Variants in RCC1 observed in about 807,000 individuals in gnomAD.
RCC1 encodes regulator of chromosome condensation 1, also known as regulator of chromosome condensation.
A neutral mutation model predicts 44.4 loss-of-function variants in RCC1; 11 were observed. The ratio of observed to expected loss-of-function variants is 0.25; its 90% confidence interval spans 0.16 to 0.41. RCC1 has a LOEUF of 0.41. RCC1 is among the 10% of genes least tolerant of loss of function. The pLI is 1.00. For synonymous variants in RCC1, 213 were observed against 216.5 expected (o/e 0.98, Z 0.14); for missense variants, 386 against 547.1 (o/e 0.71, Z 2.94).
intron 5 of RCC1, 113 bp downstream of exon 5, chr1:28,530,052 A>G: frequency 1.3e-6 from 1 of 749,252 alleles, no homozygotes; most frequent in Non-Finnish European, 2.2e-6. Context: ...GGATGTGCAG[A>G]GACCCCACCC....
At chr1:28,526,680 G>C in intron 4 of RCC1, 1 of 487,770 alleles carries the variant, frequency 2.1e-6, no homozygotes, top group South Asian at 2.6e-5. Context: ...TGGATCACCT[G>C]AGTTCAGGAG....
chr1:28,507,000 TTC>T lies in RCC1; in HGVS notation c.-262+919_-262+920del, dbSNP rs200908201. 1,125 of 163,752 alleles carry T rather than the reference TTC, an allele frequency of 6.9e-3. 12 individuals are homozygous for T. The highest frequency in any genetic ancestry group is 0.026 in the African/African-American group (1,074 of 41,656). The allele number at this position is 163,752 out of a possible 1,614,324, so 10.1% of individuals were successfully genotyped here. A position where few individuals can be genotyped will look rare whatever the true frequency, so the allele number is the denominator to read the frequency against. On this transcript the variant is annotated intron_variant, in intron 1 of 12. Coordinates refer to ENST00000683442, the MANE Select transcript of RCC1 (RefSeq NM_001381865.2). Reference sequence around the variant, plus strand: ...AAGCATTGCGTTTCGTAATTATGCTTTCTCGTATTTTTGTGATTTGGGTCATT... The same window carrying T: ...AAGCATTGCGTTTCGTAATTATGCTTTCGTATTTTTGTGATTTGGGTCATT...
At chr1:28,533,832 TTTC>T (rs1664349022) in intron 7 of RCC1, among the ~76,000 whole-genome samples, 1 of 125,160 alleles carries the variant, frequency 8.0e-6, no homozygotes, top group Non-Finnish European at 1.6e-5. Context: ...ATTTTTTTCT[TTTC>T]TTTTCTTTTC....
At chr1:28,525,588 G>C (rs574531862) in intron 4 of RCC1, among the ~76,000 whole-genome samples, 1 of 152,266 alleles carries the variant, frequency 6.6e-6, no homozygotes, top group Admixed American at 6.5e-5. Context: ...GGGACAAGGG[G>C]TCTCAAAAGA....
chr1:28,508,597 C>T, intron 2 of RCC1: 1 of 518,800 alleles, frequency 1.9e-6, no homozygotes, highest in Non-Finnish European at 3.8e-6. Flanking sequence ...TCCCCAGGCT[C>T]TGTCCAAGTG....
intron 3 of RCC1, chr1:28,510,976 T>A (rs1247738161): frequency 6.6e-6 from 1 of 152,246 alleles, no homozygotes; most frequent in Admixed American, 6.5e-5. Flanking sequence ...AATGAATTTC[T>A]ATTGACTTGC....
At chr1:28,509,582 T>C (rs1413584476) in intron 3 of RCC1, 1 of 152,284 alleles carries the variant, frequency 6.6e-6, no homozygotes, top group African/African-American at 2.4e-5. Flanking sequence ...ACCTAACAAA[T>C]TGCCTAATCT....
chr1:28,528,433 T>C (rs1232084644), intron 4 of RCC1, among the ~76,000 whole-genome samples: 2 of 152,002 alleles, frequency 1.3e-5, no homozygotes, highest in South Asian at 2.1e-4. Context: ...CTAGCCTGGG[T>C]GACAGAACGA....
At chr1:28,524,700 A>G (rs1285827254) in intron 4 of RCC1, among the ~76,000 whole-genome samples, 1 of 152,104 alleles carries the variant, frequency 6.6e-6, no homozygotes, top group African/African-American at 2.4e-5. Context: ...TCTGCAAAAT[A>G]TACAAAAATT....
chr1:28,536,493 A>G lies in RCC1; in HGVS notation c.937+112A>G. On this transcript the variant is annotated intron_variant, in intron 11 of 12. Transcript: ENST00000683442. The surrounding 1 kb of genome is among the most constrained non-coding windows in gnomAD (Gnocchi z 4.9). ...AGCCTGGGTCTGTTCCATGGGTTGT[A>G]CCATACATGGGTCCATGAGAGTCAC... is the stretch of plus-strand genomic sequence containing the variant. The G allele has an allele frequency of 7.3e-7, 1 of 1,373,170 alleles. No individual in the cohort carries two copies. Among genetic ancestry groups the G allele is most frequent in the Non-Finnish European group, 9.9e-7 (1 of 1,008,592 alleles). 85.1% of individuals were successfully genotyped at this position (1,373,170 alleles called of 1,614,324 possible). A position where few individuals can be genotyped will look rare whatever the true frequency, so the allele number is the denominator to read the frequency against.
chr1:28,513,703 G>C (rs767951575), intron 3 of RCC1, among the ~76,000 whole-genome samples: 3 of 151,954 alleles, frequency 2.0e-5, no homozygotes, highest in Non-Finnish European at 4.4e-5. Flanking sequence ...TCCCAGCTCG[G>C]TCTCCTGAGT....
chr1:28,514,554 G>A (rs1041180373), intron 3 of RCC1, among the ~76,000 whole-genome samples: 2 of 151,422 alleles, frequency 1.3e-5, no homozygotes, highest in Admixed American at 1.3e-4. Context: ...CTGAGGTCGG[G>A]AGTACAAGAC....
intron 4 of RCC1, among the ~76,000 whole-genome samples, chr1:28,528,551 C>G (rs1342236689): frequency 6.6e-6 from 1 of 152,116 alleles, no homozygotes; most frequent in Non-Finnish European, 1.5e-5. Context: ...TTGCTTCAAC[C>G]CGGGAGGTGG....
intron 7 of RCC1, among the ~76,000 whole-genome samples, chr1:28,533,474 A>G (rs1406027279): frequency 1.4e-5 from 2 of 147,332 alleles, no homozygotes; most frequent in Non-Finnish European, 3.0e-5. Context: ...CCATCTCAAA[A>G]AAAAAAAAAG....
At chr1:28,525,794 G>A (rs570437497) in intron 4 of RCC1, among the ~76,000 whole-genome samples, 1 of 152,098 alleles carries the variant, frequency 6.6e-6, no homozygotes, top group African/African-American at 2.4e-5. Context: ...GCAGAAAAGT[G>A]CCTGGCCTTG....
chr1:28,533,845 C>CTTTTTTTTTTTTTTTTT lies in RCC1; in HGVS notation c.442-1171_442-1155dup, dbSNP rs1168443435. Among the ~76,000 whole-genome samples the CTTTTTTTTTTTTTTTTT allele has an allele frequency of 6.4e-4, 30 of 46,876 alleles. 7 individuals are homozygous for CTTTTTTTTTTTTTTTTT. The highest frequency in any genetic ancestry group is 4.6e-3 in the East Asian group (4 of 872). 30.8% of individuals were successfully genotyped at this position (46,876 alleles called of 152,430 possible). On this transcript the variant is annotated intron_variant, in intron 7 of 12. Coordinates refer to ENST00000683442, the MANE Select transcript of RCC1 (RefSeq NM_001381865.2). ...ATATTTTTTTCTTTTCTTTTCTTTT[C>CTTTTTTTTTTTTTTTTT]TTTTTTTTTTTTTTTTTTTTTTTTT...
intron 7 of RCC1, 119 bp downstream of exon 7, chr1:28,532,469 C>A: frequency 8.9e-7 from 1 of 1,129,578 alleles, no homozygotes; most frequent in Non-Finnish European, 1.3e-6. Context: ...TGAAAGCCCA[C>A]AGGTAGAGCT....
rs539266427 is a variant in RCC1 at position 28,506,075 on chromosome 1, C to G, written c.-271C>G. On this transcript the variant is annotated 5_prime_UTR_variant, in exon 1 of 13. Coordinates refer to ENST00000683442, the MANE Select transcript of RCC1 (RefSeq NM_001381865.2). ...GGAGACAGATTCGCAGTGGTCGCTT[C>G]TTCTCCTTGGTAAGTGTGATCCTTG... 2 of 456,064 alleles carry G rather than the reference C, an allele frequency of 4.4e-6. No individual in the cohort carries two copies. The highest frequency in any genetic ancestry group is 8.8e-6 in the Non-Finnish European group (2 of 226,802). The allele number at this position is 456,064 out of a possible 1,614,324, so 28.3% of individuals were successfully genotyped here.
At chr1:28,511,529 C>T (rs1452356483) in intron 3 of RCC1, among the ~76,000 whole-genome samples, 7 of 152,018 alleles carry the variant, frequency 4.6e-5, no homozygotes, top group African/African-American at 1.4e-4. Flanking sequence ...CCGCCACACC[C>T]GGCTAATTTT....
Sources: gnomAD v4.1 joint callset for allele counts (sites outside exome capture counted in the v4.1 genomes callset) on GRCh38, gnomAD v4.1.1 for gene constraint, Gnocchi (gnomAD v3.1) non-coding constraint, MANE v1.5 for transcripts, NCBI Gene and HGNC (gene_info 2026-07-23, HGNC 2026-07-21) for gene names.